Variants in NCOA1 observed in about 807,000 individuals in gnomAD.
The protein encoded by NCOA1 is nuclear receptor coactivator 1, also known as Hin-2 protein.
NCOA1 carries 35 observed loss-of-function variants against 150.9 expected under a neutral mutation model. That is an observed-to-expected ratio of 0.23 (90% CI 0.18 to 0.31). The LOEUF is 0.31. Among genes scored for constraint, NCOA1 ranks in the 10% least tolerant of loss-of-function variants. The pLI is 1.00. For synonymous variants in NCOA1, 590 were observed against 630.0 expected, an observed-to-expected ratio of 0.94 and a Z score of 0.95; for missense variants, 1,491 against 1,749.3, an observed-to-expected ratio of 0.85 and a Z score of 2.63.
rs56132747 is a variant in NCOA1 at position 24,658,562 on chromosome 2, C to T, written c.-17-99C>T. 1,659 of 809,780 alleles carry T rather than the reference C, an allele frequency of 2.0e-3. 21 individuals are homozygous for T. The African/African-American group carries it at 0.026, about 13-fold the overall frequency. 50.2% of individuals were successfully genotyped at this position (809,780 alleles called of 1,614,324 possible). On this transcript the variant is annotated intron_variant, in intron 4 of 22. Transcript: ENST00000348332. The stretch of plus-strand genomic sequence containing the variant: ...TAATTATCTATTCATTGATATAGCA[C>T]AATTTTTAGAAATTTTCTAACAGAG...
At position 24,706,383 on chromosome 2, in the gene NCOA1, A is replaced by G. The variant is rs1434998046; in HGVS notation, c.1098-185A>G. On this transcript the variant is annotated intron_variant, in intron 12 of 22. Coordinates refer to ENST00000348332, the MANE Select transcript of NCOA1 (RefSeq NM_003743.5). Reference sequence around the variant, plus strand: ...TTATTTCTTATTAAGTGGTGCTAATATTTTACAGTAGTTTTTTCTTAATTT... The same window carrying G: ...TTATTTCTTATTAAGTGGTGCTAATGTTTTACAGTAGTTTTTTCTTAATTT... 2.6e-5 allele frequency among the ~76,000 whole-genome samples: 4 copies of G among 152,068 alleles called. No homozygotes were observed. The East Asian group carries it at 5.8e-4, about 22-fold the overall frequency.
chr2:24,712,359 T>C lies in NCOA1; in HGVS notation c.2599+1248T>C, dbSNP rs187668879. On this transcript the variant is annotated intron_variant, in intron 14 of 22. Transcript: ENST00000348332. The stretch of plus-strand genomic sequence containing the variant: ...ATATTGATTGATTTGGAGGTCTTTA[T>C]CTCCTTCCCCATCCAATATGGGAGA... 9.8e-5 allele frequency among the ~76,000 whole-genome samples: 15 copies of C among 152,296 alleles called. No individual in the cohort carries two copies. In the East Asian group the frequency reaches 2.9e-3, roughly 29 times the overall value.
At chr2:24,721,605 G>A (rs1390897297) in intron 14 of NCOA1, among the ~76,000 whole-genome samples, 1 of 152,190 alleles carries the variant, frequency 6.6e-6, no homozygotes, top group Non-Finnish European at 1.5e-5. Context: ...GATTCCCTGG[G>A]CAGAACTCCC....
At chr2:24,526,887 C>T (rs935359675) in intron 1 of NCOA1, among the ~76,000 whole-genome samples, 2 of 151,708 alleles carry the variant, frequency 1.3e-5, no homozygotes, top group Non-Finnish European at 2.9e-5. Context: ...AGATATAATA[C>T]AGATTAAAAA....
intron 2 of NCOA1, among the ~76,000 whole-genome samples, chr2:24,567,500 G>C (rs955887186): frequency 4.6e-5 from 7 of 152,126 alleles, no homozygotes; most frequent in African/African-American, 1.7e-4. Context: ...ATTCAGAATG[G>C]TTACTCTTGG....
At chr2:24,523,390 A>C (rs1664502835) in intron 1 of NCOA1, among the ~76,000 whole-genome samples, 1 of 151,620 alleles carries the variant, frequency 6.6e-6, no homozygotes, top group African/African-American at 2.4e-5. Flanking sequence ...GTGGATCACG[A>C]GGTCAGGAGA....
chr2:24,654,819 C>CT (rs1670857419), intron 4 of NCOA1, among the ~76,000 whole-genome samples: 1 of 152,128 alleles, frequency 6.6e-6, no homozygotes, highest in South Asian at 2.1e-4. Flanking sequence ...TATGCTCCTG[C>CT]TTTAAGGTCC....
intron 3 of NCOA1, among the ~76,000 whole-genome samples, chr2:24,607,935 A>G (rs1668445496): frequency 6.6e-6 from 1 of 152,028 alleles, no homozygotes; most frequent in Non-Finnish European, 1.5e-5. Context: ...ATTTACTGTA[A>G]TACCATACAA....
chr2:24,645,376 G>C (rs887069033), intron 4 of NCOA1, among the ~76,000 whole-genome samples: 1 of 151,168 alleles, frequency 6.6e-6, no homozygotes, highest in Non-Finnish European at 1.5e-5. Flanking sequence ...GGTGGTGGGC[G>C]CCTGTAGTCC....
intron 11 of NCOA1, among the ~76,000 whole-genome samples, chr2:24,704,491 G>A (rs1673312338): frequency 6.6e-6 from 1 of 152,232 alleles, no homozygotes; most frequent in Admixed American, 6.5e-5. Context: ...AAAGATTAAG[G>A]TTGGGCCAGG....
chr2:24,579,722 T>C (rs1030755908), intron 2 of NCOA1, among the ~76,000 whole-genome samples: 1 of 152,172 alleles, frequency 6.6e-6, no homozygotes, highest in Admixed American at 6.5e-5. Flanking sequence ...TTCAGCAGTT[T>C]CATGGTGCTA....
intron 19 of NCOA1, among the ~76,000 whole-genome samples, chr2:24,745,635 G>A (rs920256823): frequency 2.0e-5 from 3 of 152,028 alleles, no homozygotes; most frequent in Non-Finnish European, 4.4e-5. Context: ...TCCTTTTGGG[G>A]TTTCAGGGAC....
At chr2:24,640,580 G>C (rs555887078) in intron 3 of NCOA1, among the ~76,000 whole-genome samples, 3 of 152,136 alleles carry the variant, frequency 2.0e-5, no homozygotes, top group Non-Finnish European at 2.9e-5. Flanking sequence ...GGCCACAGGA[G>C]GAGGATCACT....
At chr2:24,528,450 G>A (rs1402068986) in intron 1 of NCOA1, among the ~76,000 whole-genome samples, 1 of 149,018 alleles carries the variant, frequency 6.7e-6, no homozygotes, top group Non-Finnish European at 1.5e-5. Flanking sequence ...GGGCTCAAGT[G>A]ATCCTCTCAC....
intron 4 of NCOA1, among the ~76,000 whole-genome samples, chr2:24,651,133 G>T (rs1175524389): frequency 6.6e-6 from 1 of 152,036 alleles, no homozygotes; most frequent in Non-Finnish European, 1.5e-5. Context: ...ATGAAAAACA[G>T]TATAGATACT....
chr2:24,614,915 A>T (rs1668808431), intron 3 of NCOA1, among the ~76,000 whole-genome samples: 1 of 152,260 alleles, frequency 6.6e-6, no homozygotes, highest in Non-Finnish European at 1.5e-5. Context: ...TCCTTCACAT[A>T]TCTTGTCATT....
intron 14 of NCOA1, among the ~76,000 whole-genome samples, chr2:24,716,143 C>CAAAAAAAAAAAAA (rs35089767): frequency 1.2e-5 from 1 of 85,364 alleles, no homozygotes; most frequent in Non-Finnish European, 2.3e-5. Flanking sequence ...GACTCCGTCT[C>CAAAAAAAAAAAAA]AAAAAAAAAA....
At chr2:24,689,102 A>G (rs946239299) in intron 8 of NCOA1, among the ~76,000 whole-genome samples, 14 of 152,008 alleles carry the variant, frequency 9.2e-5, no homozygotes, top group Non-Finnish European at 1.6e-4. Flanking sequence ...TTTTGGTACC[A>G]TACTGTTTTT....
At chr2:24,614,144 T>A (rs943902287) in intron 3 of NCOA1, among the ~76,000 whole-genome samples, 1 of 148,490 alleles carries the variant, frequency 6.7e-6, no homozygotes, top group African/African-American at 2.5e-5. Flanking sequence ...GCCCCAGGAG[T>A]ATCTGGAAGC....
Sources: allele counts gnomAD v4.1 joint callset (sites outside exome capture counted in the v4.1 genomes callset), GRCh38; gene constraint gnomAD v4.1.1; transcripts MANE v1.5; gene names NCBI Gene and HGNC (gene_info 2026-07-23, HGNC 2026-07-21).